PTK7: variants seen among roughly 807,000 people sequenced by gnomAD.
PTK7 encodes the protein protein tyrosine kinase 7 (inactive).
Under a neutral mutation model 116.6 loss-of-function variants are expected in PTK7, and 39 were observed. The ratio of observed to expected loss-of-function variants is 0.33; its 90% CI spans 0.26 to 0.44. The LOEUF (loss-of-function observed/expected upper bound fraction) is 0.44. PTK7 is among the 20% of genes least tolerant of loss of function. PTK7 has a pLI of 1.00. For synonymous variants in PTK7, 546 were observed against 563.6 expected, an observed-to-expected ratio of 0.97 and a Z score of 0.44; for missense variants, 1,169 against 1,425.6, an observed-to-expected ratio of 0.82 and a Z score of 2.90.
chr6:43,114,529 C>G (rs1037458469), intron 1 of PTK7, among the ~76,000 whole-genome samples: 5 of 152,044 alleles, frequency 3.3e-5, no homozygotes, highest in African/African-American at 1.2e-4. Flanking sequence ...GGGGCACAGC[C>G]AGTTCCAGAC....
intron 1 of PTK7, among the ~76,000 whole-genome samples, chr6:43,113,053 C>T (rs1005618902): frequency 6.6e-6 from 1 of 151,926 alleles, no homozygotes; most frequent in African/African-American, 2.4e-5. Flanking sequence ...GTCTTGAATT[C>T]CTGAGCTCCT....
chr6:43,153,760 G>GGT (rs1316273162), intron 17 of PTK7, among the ~76,000 whole-genome samples: 1 of 152,082 alleles, frequency 6.6e-6, no homozygotes, highest in Non-Finnish European at 1.5e-5. Flanking sequence ...CTTAAAGCCA[G>GGT]GTGCAGTGCC....
chr6:43,095,526 TGAGGCCCAGGAAGGAAAGGG>T (rs1767204475), intron 1 of PTK7, among the ~76,000 whole-genome samples: 2 of 152,176 alleles, frequency 1.3e-5, no homozygotes, highest in African/African-American at 4.8e-5. Context: ...GCGTTGTCAC[TGAGGCCCAGGAAGGAAAGGG>T]GCCAATTTAT....
chr6:43,156,836 G>T (rs546171296), intron 17 of PTK7, among the ~76,000 whole-genome samples: 1 of 152,126 alleles, frequency 6.6e-6, no homozygotes, highest in African/African-American at 2.4e-5. Flanking sequence ...GGTGGAGTTT[G>T]CAGTGAGCCG....
chr6:43,154,775 C>T (rs1284480303), intron 17 of PTK7, among the ~76,000 whole-genome samples: 7 of 152,236 alleles, frequency 4.6e-5, no homozygotes, highest in South Asian at 2.1e-4. Context: ...GGGAGCCAGG[C>T]GGGGAAGCTG....
In PTK7 at chr6:43,143,405, T is replaced by G; in HGVS notation, c.2048-12T>G. 6.2e-7 allele frequency: 1 copy of G among 1,613,030 alleles called. No individual in the cohort carries two copies. The highest frequency in any genetic ancestry group is 8.5e-7 in the Non-Finnish European group (1 of 1,179,656). ...AGCAGCCCCTGCCCAGACCCATCTG[T>G]GTGTCTCTCAGACAAGCCTGTGCCG... is the stretch of plus-strand genomic sequence containing the variant. On this transcript the variant is annotated splice_polypyrimidine_tract_variant and intron_variant, in intron 13 of 19. Transcript: ENST00000230419. This position sits in a 1 kb window ranked among gnomAD's most constrained non-coding sequence, Gnocchi z 4.2.
At chr6:43,077,102 C>T in intron 1 of PTK7, 1 of 1,170,854 alleles carries the variant, frequency 8.5e-7, no homozygotes, top group Admixed American at 3.7e-5. Context: ...AGTTCCTGGG[C>T]AAAGCTGAGA....
intron 1 of PTK7, among the ~76,000 whole-genome samples, chr6:43,085,866 G>A (rs1212584082): frequency 6.6e-6 from 1 of 151,068 alleles, no homozygotes; most frequent in African/African-American, 2.4e-5. Flanking sequence ...CCGGGAGGCC[G>A]AGGTTGTGGT....
chr6:43,121,894 C>T (rs1768987319), intron 1 of PTK7, among the ~76,000 whole-genome samples: 1 of 152,176 alleles, frequency 6.6e-6, no homozygotes, highest in South Asian at 2.1e-4. Flanking sequence ...AATCCTAGCA[C>T]TTTGGGAGGC....
At chr6:43,120,929 AG>A (rs964944027) in intron 1 of PTK7, among the ~76,000 whole-genome samples, 6 of 152,114 alleles carry the variant, frequency 3.9e-5, no homozygotes, top group African/African-American at 1.2e-4. Context: ...CAGCCAATAA[AG>A]GGTCACTAAG....
chr6:43,152,149 C>T (rs1474665845), intron 17 of PTK7, among the ~76,000 whole-genome samples: 1 of 151,572 alleles, frequency 6.6e-6, no homozygotes, highest in Non-Finnish European at 1.5e-5. Flanking sequence ...TGCGCCCAGC[C>T]CACCCGCCCT....
At chr6:43,134,679 C>T (rs1246789159) in intron 7 of PTK7, among the ~76,000 whole-genome samples, 2 of 151,602 alleles carry the variant, frequency 1.3e-5, no homozygotes, top group Non-Finnish European at 2.9e-5. Flanking sequence ...ACTTGGGAGG[C>T]TGGGGCAGGA....
chr6:43,095,098 G>T lies in PTK7; in HGVS notation c.79+18531G>T, dbSNP rs1003500923. ...AAAAAGGCCGGGCGCAGTGGCTCACGCCTGTAGTCCCAGCACTTTGGGAGG... is the reference window on the plus strand; with the variant it reads ...AAAAAGGCCGGGCGCAGTGGCTCACTCCTGTAGTCCCAGCACTTTGGGAGG... On this transcript the variant is annotated intron_variant, in intron 1 of 19. Transcript: ENST00000230419. Among the ~76,000 whole-genome samples, 4 of 146,484 alleles carry T rather than the reference G, an allele frequency of 2.7e-5. No individual in the cohort carries two copies. The Admixed American group carries it at 2.8e-4, about 10-fold the overall frequency.
rs374632437 is a variant in PTK7, at chr6:43,160,792, C to T, written c.3124C>T (p.Arg1042Cys). 4.6e-5 allele frequency: 75 copies of T among 1,614,086 alleles called. No individual in the cohort carries two copies. Among genetic ancestry groups the T allele is most frequent in the East Asian group, 6.7e-5 (3 of 44,894 alleles). ...TTCCAAACTCTATCGGCTGATGCAG[C>T]GCTGCTGGGCCCTCAGCCCCAAGGA... ...CPSKLYRLMQ[R>C]CWALSPKDRP... Residue 1042 changes from arginine to cysteine, a missense_variant, in exon 20 of 20, where the codon CGC (arginine) becomes TGC (cysteine). Transcript: ENST00000230419.
chr6:43,080,924 G>A (rs1033400751), intron 1 of PTK7, among the ~76,000 whole-genome samples: 14 of 150,498 alleles, frequency 9.3e-5, no homozygotes, highest in Admixed American at 3.3e-4. Flanking sequence ...CCTGGGCGAC[G>A]GAACGAGACT....
At chr6:43,134,794 A>T (rs1009466373) in intron 7 of PTK7, among the ~76,000 whole-genome samples, 5 of 151,730 alleles carry the variant, frequency 3.3e-5, no homozygotes, top group Non-Finnish European at 5.9e-5. Flanking sequence ...AAAAAAAAAA[A>T]AAAAATTTAG....
chr6:43,121,203 T>C (rs1181119717), intron 1 of PTK7, among the ~76,000 whole-genome samples: 4 of 152,114 alleles, frequency 2.6e-5, no homozygotes, highest in Admixed American at 2.0e-4. Context: ...CATGCTTGGA[T>C]ACCATGTGAT....
intron 1 of PTK7, among the ~76,000 whole-genome samples, chr6:43,122,064 C>T (rs1204871273): frequency 1.3e-5 from 2 of 152,170 alleles, no homozygotes; most frequent in Admixed American, 1.3e-4. Flanking sequence ...ATTGCTTGGG[C>T]CTCGGAGGTT....
intron 1 of PTK7, among the ~76,000 whole-genome samples, chr6:43,082,184 T>C (rs1249255420): frequency 6.6e-6 from 1 of 152,148 alleles, no homozygotes; most frequent in African/African-American, 2.4e-5. Flanking sequence ...TTTATTTATT[T>C]ATTCTTTTTG....
Sources: allele counts gnomAD v4.1 joint callset (sites outside exome capture counted in the v4.1 genomes callset), GRCh38; gene constraint gnomAD v4.1.1; non-coding constraint Gnocchi (gnomAD v3.1); transcripts MANE v1.5; gene names NCBI Gene and HGNC (gene_info 2026-07-23, HGNC 2026-07-21).